Variants in DEAF1 observed in about 807,000 individuals in gnomAD.
DEAF1 encodes the protein DEAF1 transcription factor.
DEAF1 carries 53 observed loss-of-function variants against 58.9 expected under a neutral mutation model. The ratio of observed to expected loss-of-function variants is 0.90; its 90% CI spans 0.72 to 1.13. The LOEUF (loss-of-function observed/expected upper bound fraction) is 1.13. DEAF1 is among the 50% of genes most tolerant of loss of function. The pLI, the probability that DEAF1 is intolerant of heterozygous loss-of-function variation, is 0.00. For missense variants in DEAF1, 685 were observed against 791.4 expected (o/e 0.87, Z 1.61); for synonymous variants, 385 against 340.4 (o/e 1.13, Z -1.44).
At position 688,554 on chromosome 11, in the gene DEAF1, G is replaced by A. The variant is rs914822672; in HGVS notation, c.388-94C>T. 1.3e-6 allele frequency: 2 copies of A among 1,528,578 alleles called. No individual in the cohort carries two copies. Among genetic ancestry groups the A allele is most frequent in the East Asian group, 2.2e-5 (1 of 44,484 alleles). The allele number at this position is 1,528,578 out of a possible 1,614,324, so 94.7% of individuals were successfully genotyped here. ...GGGCCGTCCTCCAGCAGGGCTCTCT[G>A]GCTGTTCTCACCAAGAAGGGACGCT... On this transcript the variant is annotated intron_variant, in intron 2 of 11. Transcript: ENST00000382409. This position sits in a 1 kb window ranked among gnomAD's most constrained non-coding sequence, Gnocchi z 4.3.
At chr11:675,885 A>G (rs1860026936) in intron 9 of DEAF1, among the ~76,000 whole-genome samples, 1 of 151,606 alleles carries the variant, frequency 6.6e-6, no homozygotes, top group African/African-American at 2.4e-5. Context: ...TGACCAGCAA[A>G]CAACAAATCA....
At chr11:663,167 T>C (rs960462936) in intron 10 of DEAF1, among the ~76,000 whole-genome samples, 24 of 152,156 alleles carry the variant, frequency 1.6e-4, no homozygotes, top group African/African-American at 5.6e-4. Flanking sequence ...CAAAACCTAG[T>C]TGAGCATGGT....
chr11:657,342 T>C (rs1380819403), intron 10 of DEAF1, among the ~76,000 whole-genome samples: 4 of 152,112 alleles, frequency 2.6e-5, no homozygotes, highest in African/African-American at 9.6e-5. Context: ...GAAAAGTCTG[T>C]TGAAAGGGGT....
intron 10 of DEAF1, among the ~76,000 whole-genome samples, chr11:670,784 T>C (rs1357394172): frequency 2.0e-4 from 29 of 146,328 alleles, no homozygotes; most frequent in Non-Finnish European, 3.2e-4. Context: ...TTTGTTTTTT[T>C]TTTTTTTTTT....
At chr11:672,550 A>C (rs948477583) in intron 10 of DEAF1, among the ~76,000 whole-genome samples, 14 of 152,326 alleles carry the variant, frequency 9.2e-5, no homozygotes, top group Admixed American at 7.2e-4. Flanking sequence ...AAATTTAAAA[A>C]TTAAAAAATA....
rs750965847 is a variant in DEAF1, at chr11:687,121, A to G, written c.665-124T>C. The G allele has an allele frequency of 5.8e-4, 810 of 1,393,966 alleles. 1 individual carries two copies. Among genetic ancestry groups the G allele is most frequent in the Non-Finnish European group, 7.4e-4 (745 of 1,006,278 alleles). 86.3% of individuals were successfully genotyped at this position (1,393,966 alleles called of 1,614,324 possible). ...GCGCCCCAGCGGCTCATGTGATCTCACCCACCCACATACTTGGCCCTGACA... is the reference window on the plus strand; with the variant it reads ...GCGCCCCAGCGGCTCATGTGATCTCGCCCACCCACATACTTGGCCCTGACA... On this transcript the variant is annotated intron_variant, in intron 4 of 11. Coordinates refer to ENST00000382409, the MANE Select transcript of DEAF1 (RefSeq NM_021008.4).
intron 9 of DEAF1, among the ~76,000 whole-genome samples, chr11:675,404 C>T (rs1449832024): frequency 1.3e-5 from 2 of 152,116 alleles, no homozygotes; most frequent in African/African-American, 2.4e-5. Flanking sequence ...TGACATTCAC[C>T]TGTGATCCCA....
chr11:697,144 C>T (rs948149547), upstream of DEAF1, among the ~76,000 whole-genome samples: 7 of 150,542 alleles, frequency 4.6e-5, no homozygotes, highest in Admixed American at 2.6e-4. Flanking sequence ...GTCCCAGCTA[C>T]GTGGGAGGCT....
chr11:655,370 A>G (rs538728982), intron 10 of DEAF1, among the ~76,000 whole-genome samples: 127 of 152,348 alleles, frequency 8.3e-4, no homozygotes, highest in Non-Finnish European at 1.1e-3. Flanking sequence ...TTTCTTTTTA[A>G]TCAGCGCATA....
upstream of DEAF1, chr11:699,909 C>T (rs937317581): frequency 3.7e-6 from 2 of 543,408 alleles, no homozygotes; most frequent in Non-Finnish European, 6.6e-6. Context: ...GCACAGACCG[C>T]ATTGTTGTGG....
intron 10 of DEAF1, among the ~76,000 whole-genome samples, chr11:666,841 G>A (rs1414011643): frequency 3.9e-5 from 5 of 128,894 alleles, no homozygotes; most frequent in African/African-American, 1.5e-4. Flanking sequence ...TCGTGTCACT[G>A]CACTCTAGCC....
chr11:698,207 T>C (rs956865706), upstream of DEAF1, among the ~76,000 whole-genome samples: 2 of 151,874 alleles, frequency 1.3e-5, no homozygotes, highest in African/African-American at 4.8e-5. Context: ...TCAGCGTGGA[T>C]CCAGGGTGAG....
chr11:690,251 G>C (rs1239440203), intron 2 of DEAF1, among the ~76,000 whole-genome samples: 8 of 29,322 alleles, frequency 2.7e-4, no homozygotes, highest in Non-Finnish European at 3.8e-4. Context: ...GAGGGGAGAG[G>C]AGGGGAGGGG....
At chr11:659,841 C>A (rs991248303) in intron 10 of DEAF1, among the ~76,000 whole-genome samples, 3 of 152,196 alleles carry the variant, frequency 2.0e-5, no homozygotes, top group Non-Finnish European at 2.9e-5. Context: ...AGGAAGCCAG[C>A]GGTAGATGGG....
At position 704,344 on chromosome 11, in the gene DEAF1, G is replaced by C. The variant is rs897733162; in HGVS notation, c.-438+2228C>G. 5 of 886,130 alleles carry C rather than the reference G, an allele frequency of 5.6e-6. No individual in the cohort carries two copies. In the African/African-American group the frequency reaches 8.6e-5, roughly 15 times the overall value. The allele number at this position is 886,130 out of a possible 1,614,324, so 54.9% of individuals were successfully genotyped here. On this transcript the variant is annotated intron_variant, in intron 1 of 11. Transcript: ENST00000683307. ...TCCCTCGGCTGGGGTGGCTGTGGCT[G>C]TGGCACCTGGACAGTCTTTCCTGCC...
At chr11:686,725 C>A (rs1564949456) in intron 5 of DEAF1, 133 bp downstream of exon 5, 2 of 1,232,162 alleles carry the variant, frequency 1.6e-6, no homozygotes, top group African/African-American at 3.0e-5. Flanking sequence ...CCCAAGGCCA[C>A]ACAGACAGCA....
At chr11:703,091 G>T (rs1241734011) in intron 1 of DEAF1, 1 of 1,611,892 alleles carries the variant, frequency 6.2e-7, no homozygotes, top group Non-Finnish European at 8.5e-7. Flanking sequence ...CACGCTCCTG[G>T]CCCTTCACGG....
chr11:673,394 G>C (rs1410153924), intron 10 of DEAF1, among the ~76,000 whole-genome samples: 4 of 148,348 alleles, frequency 2.7e-5, no homozygotes, highest in East Asian at 4.1e-4. Context: ...CAGGTGTGGT[G>C]GTGGGTGCCT....
intron 11 of DEAF1, among the ~76,000 whole-genome samples, chr11:652,648 GAGA>G (rs1416858085): frequency 6.6e-6 from 1 of 151,698 alleles, no homozygotes; most frequent in Non-Finnish European, 1.5e-5. Context: ...AAAGAAAATA[GAGA>G]AGGAGGGCAG....
Sources: allele counts gnomAD v4.1 joint callset (sites outside exome capture counted in the v4.1 genomes callset), GRCh38; gene constraint gnomAD v4.1.1; non-coding constraint Gnocchi (gnomAD v3.1); transcripts MANE v1.5; gene names NCBI Gene and HGNC (gene_info 2026-07-23, HGNC 2026-07-21).